TIMM22: variants seen among roughly 807,000 people sequenced by gnomAD.
TIMM22 encodes the protein mitochondrial import inner membrane translocase subunit Tim22.
In TIMM22, 12 loss-of-function variants were observed where a neutral mutation model predicts 18.3. That is an observed-to-expected ratio of 0.65 (90% CI 0.42 to 1.06). The LOEUF (loss-of-function observed/expected upper bound fraction) is 1.06, where lower values mean the gene tolerates loss of function less well. TIMM22 is among the 50% of genes least tolerant of loss of function. The probability of loss-of-function intolerance (pLI) is 0.00; values close to 1 mark genes in which losing one functional copy is unlikely to be tolerated. For missense variants in TIMM22, 278 were observed against 252.8 expected (o/e 1.10, Z -0.68); for synonymous variants, 107 against 98.5 (o/e 1.09, Z -0.51).
At chr17:997,878 C>T (rs188636433) in intron 1 of TIMM22, among the ~76,000 whole-genome samples, 237 of 152,314 alleles carry the variant, frequency 1.6e-3, no homozygotes, top group Non-Finnish European at 2.6e-3. Flanking sequence ...TAAATTCATT[C>T]TCTTAAATAA....
Position 997,215 on chromosome 17 carries a change from T to C in TIMM22, c.73T>C (p.Tyr25His), listed in dbSNP as rs2150663813. 6.2e-7 allele frequency: 1 copy of C among 1,612,990 alleles called. No homozygotes were observed. Among genetic ancestry groups the C allele is most frequent in the Non-Finnish European group, 8.5e-7 (1 of 1,179,906 alleles). ...TAGSAEAPLQ[Y>H]SLLLQYLVGD... is the part of the protein sequence containing the mutation. The stretch of plus-strand genomic sequence containing the variant: ...GGGTTCCGCCGAAGCTCCGCTGCAG[T>C]ACAGCCTGCTCCTGCAGTACCTGGT... Residue 25 changes from tyrosine to histidine, a missense_variant, in exon 1 of 4, where the codon TAC (tyrosine) becomes CAC (histidine). Transcript: ENST00000327158.
At chr17:997,442 C>T in intron 1 of TIMM22, 62 bp downstream of exon 1, 2 of 1,505,822 alleles carry the variant, frequency 1.3e-6, no homozygotes, top group Non-Finnish European at 1.8e-6. Flanking sequence ...GGGATCTCTG[C>T]CGAGAAGACC....
In TIMM22 at chr17:1,001,622, C is replaced by T. The variant is rs2069748620; in HGVS notation, c.*534C>T. 1 of 153,328 alleles carries T rather than the reference C, an allele frequency of 6.5e-6. No homozygotes were observed. The highest frequency in any genetic ancestry group is 1.5e-5 in the Non-Finnish European group (1 of 68,868). The allele number at this position is 153,328 out of a possible 1,614,324, so 9.5% of individuals were successfully genotyped here. A position where few individuals can be genotyped will look rare whatever the true frequency, so the allele number is the denominator to read the frequency against. Reference sequence around the variant, plus strand: ...CACTCCCCTCCCCCACCGCCACACACCTTACAGTTCAAAAGGTTGGTTTAT... The same window carrying T: ...CACTCCCCTCCCCCACCGCCACACATCTTACAGTTCAAAAGGTTGGTTTAT... On this transcript the variant is annotated 3_prime_UTR_variant, in exon 4 of 4. Transcript: ENST00000327158.
chr17:999,331 A>C (rs1040689829), intron 2 of TIMM22, among the ~76,000 whole-genome samples, 181 bp from the exon 3 acceptor site: 7,707 of 115,972 alleles, frequency 0.066, 360 homozygotes, highest in South Asian at 0.18. Context: ...TACTATATAT[A>C]TATATATATA....
At chr17:999,358 T>TACATACATACAC (rs1555524936) in intron 2 of TIMM22, among the ~76,000 whole-genome samples, 154 bp from the exon 3 acceptor site, 1 of 132,588 alleles carries the variant, frequency 7.5e-6, no homozygotes, top group Admixed American at 7.4e-5. Context: ...TATATATATA[T>TACATACATACAC]ACACGCTGTA....
rs1408779709 is a variant in TIMM22 at position 999,358 on chromosome 17, T to TATATAC, written c.436-153_436-152insTATACA. Among the ~76,000 whole-genome samples the TATATAC allele has an allele frequency of 4.0e-3, 531 of 132,540 alleles. 6 individuals are homozygous for TATATAC. Among genetic ancestry groups the TATATAC allele is most frequent in the African/African-American group, 0.016 (489 of 31,204 alleles). 87.0% of individuals were successfully genotyped at this position (132,540 alleles called of 152,430 possible). A position where few individuals can be genotyped will look rare whatever the true frequency, so the allele number is the denominator to read the frequency against. On this transcript the variant is annotated intron_variant, in intron 2 of 3. Transcript: ENST00000327158. ...ATATATATATATATATATATATATA[T>TATATAC]ACACGCTGTATACTTAGGAACTATA... is the stretch of plus-strand genomic sequence containing the variant.
intron 3 of TIMM22, among the ~76,000 whole-genome samples, chr17:1,000,117 C>T (rs2069729190): frequency 6.6e-6 from 1 of 151,874 alleles, no homozygotes; most frequent in Admixed American, 6.6e-5. Context: ...AACTCCTGAC[C>T]TCGTGATCTG....
rs769568340 is a variant in TIMM22, at chr17:1,002,060, C to G, written c.*972C>G. 6.6e-6 allele frequency: 1 copy of G among 151,886 alleles called. No homozygotes were observed. The highest frequency in any genetic ancestry group is 1.5e-5 in the Non-Finnish European group (1 of 68,046). 9.4% of individuals were successfully genotyped at this position (151,886 alleles called of 1,614,324 possible). ...GGGGCTGTTCACCACCATCCTCGTT[C>G]TCCAGGGTCAAGGAAGTGTTTTAAC... On this transcript the variant is annotated 3_prime_UTR_variant, in exon 4 of 4. Coordinates refer to ENST00000327158, the MANE Select transcript of TIMM22 (RefSeq NM_013337.4).
Position 1,001,589 on chromosome 17 carries a change from TA to T in TIMM22, c.*506del. 1 of 154,384 alleles carries T rather than the reference TA, an allele frequency of 6.5e-6. No individual in the cohort carries two copies. The highest frequency in any genetic ancestry group is 6.4e-5 in the Admixed American group (1 of 15,744). The allele number at this position is 154,384 out of a possible 1,614,324, so 9.6% of individuals were successfully genotyped here. On this transcript the variant is annotated 3_prime_UTR_variant, in exon 4 of 4. Coordinates refer to ENST00000327158, the MANE Select transcript of TIMM22 (RefSeq NM_013337.4). ...TGTTCTGTCATCCTTGTTTTTTTTTTAAAAATACACTCCCCTCCCCCACCGC... is the reference window on the plus strand; with the variant it reads ...TGTTCTGTCATCCTTGTTTTTTTTTTAAAATACACTCCCCTCCCCCACCGC...
At chr17:999,358 T>TATATACACAC (rs1408779709) in intron 2 of TIMM22, among the ~76,000 whole-genome samples, 154 bp from the exon 3 acceptor site, 2 of 132,586 alleles carry the variant, frequency 1.5e-5, no homozygotes, top group African/African-American at 3.2e-5. Flanking sequence ...TATATATATA[T>TATATACACAC]ACACGCTGTA....
chr17:999,358 T>TATATATATACATACATACATATATAC (rs1408779709), intron 2 of TIMM22, among the ~76,000 whole-genome samples, 154 bp from the exon 3 acceptor site: 1 of 132,588 alleles, frequency 7.5e-6, no homozygotes, highest in African/African-American at 3.2e-5. Context: ...TATATATATA[T>TATATATATACATACATACATATATAC]ACACGCTGTA....
At position 1,002,919 on chromosome 17, in the gene TIMM22, G is replaced by GTT. The variant is rs2069782575; in HGVS notation, c.*1833_*1834dup. On this transcript the variant is annotated 3_prime_UTR_variant, in exon 4 of 4. Transcript: ENST00000327158. ...TGCCTATTCACTCGAGAGATGAATA[G>GTT]TTTCCTGTTTTCGATGGCTGGGGAG... 1 of 152,176 alleles carries GTT rather than the reference G, an allele frequency of 6.6e-6. No individual in the cohort carries two copies. 9.4% of individuals were successfully genotyped at this position (152,176 alleles called of 1,614,324 possible). A position where few individuals can be genotyped will look rare whatever the true frequency, so the allele number is the denominator to read the frequency against.
chr17:1,003,334 G>A lies in TIMM22; in HGVS notation c.*2246G>A, dbSNP rs192948016. ...CGGAGGCCTTTGTGAAGAGCAAGGA[G>A]AGGGCTCCAGCCCACCTCCCCGCAG... On this transcript the variant is annotated 3_prime_UTR_variant, in exon 4 of 4. Transcript: ENST00000327158. The A allele has an allele frequency of 1.6e-4, 25 of 152,474 alleles. No individual in the cohort carries two copies. The highest frequency in any genetic ancestry group is 5.3e-4 in the African/African-American group (22 of 41,582). 9.4% of individuals were successfully genotyped at this position (152,474 alleles called of 1,614,324 possible). A position where few individuals can be genotyped will look rare whatever the true frequency, so the allele number is the denominator to read the frequency against.
rs1180378623 is a variant in TIMM22, at chr17:1,002,412, C to T, written c.*1324C>T. ...TCTGCCCTGTCTTCTGGCCCACACA[C>T]TCTTAACCAGCGTTCACACTCAGTG... On this transcript the variant is annotated 3_prime_UTR_variant, in exon 4 of 4. Coordinates refer to ENST00000327158, the MANE Select transcript of TIMM22 (RefSeq NM_013337.4). 1 of 152,314 alleles carries T rather than the reference C, an allele frequency of 6.6e-6. No homozygotes were observed. Among genetic ancestry groups the T allele is most frequent in the East Asian group, 1.9e-4 (1 of 5,202 alleles). The allele number at this position is 152,314 out of a possible 1,614,324, so 9.4% of individuals were successfully genotyped here. A position where few individuals can be genotyped will look rare whatever the true frequency, so the allele number is the denominator to read the frequency against.
At chr17:997,538 C>T (rs2069696233) in intron 1 of TIMM22, among the ~76,000 whole-genome samples, 158 bp downstream of exon 1, 1 of 152,208 alleles carries the variant, frequency 6.6e-6, no homozygotes, top group Admixed American at 6.5e-5. Flanking sequence ...CTCTCCTGCC[C>T]CCTCAGGCCG....
In TIMM22 at chr17:1,002,775, C is replaced by T. The variant is rs1177804378; in HGVS notation, c.*1687C>T. The T allele has an allele frequency of 2.6e-5, 4 of 152,214 alleles. No individual in the cohort carries two copies. Among genetic ancestry groups the T allele is most frequent in the Non-Finnish European group, 5.9e-5 (4 of 68,048 alleles). The allele number at this position is 152,214 out of a possible 1,614,324, so 9.4% of individuals were successfully genotyped here. A position where few individuals can be genotyped will look rare whatever the true frequency, so the allele number is the denominator to read the frequency against. On this transcript the variant is annotated 3_prime_UTR_variant, in exon 4 of 4. Transcript: ENST00000327158. ...TCCTAGGATGCCTGGGATCTTCCATCTTTCAGTCTAGCACGTGGGACCAAA... is the reference window on the plus strand; with the variant it reads ...TCCTAGGATGCCTGGGATCTTCCATTTTTCAGTCTAGCACGTGGGACCAAA...
In TIMM22 at chr17:1,001,315, G is replaced by T. The variant is rs536550023; in HGVS notation, c.*227G>T. The T allele has an allele frequency of 4.1e-6, 2 of 486,018 alleles. No homozygotes were observed. The highest frequency in any genetic ancestry group is 3.3e-5 in the Admixed American group (1 of 29,854). The allele number at this position is 486,018 out of a possible 1,614,324, so 30.1% of individuals were successfully genotyped here. A position where few individuals can be genotyped will look rare whatever the true frequency, so the allele number is the denominator to read the frequency against. On this transcript the variant is annotated 3_prime_UTR_variant, in exon 4 of 4. Transcript: ENST00000327158. ...AGCCAGCCTTCACAGAGGACGTCCC[G>T]TGCCAGATTCTCTCACAGCAGATCG...
Position 1,003,089 on chromosome 17 carries a change from G to A in TIMM22, c.*2001G>A, listed in dbSNP as rs2069788212. On this transcript the variant is annotated 3_prime_UTR_variant, in exon 4 of 4. Transcript: ENST00000327158. ...CTCAAAGGGAGGGTGGGCCCTCGGA[G>A]ACCCAGCTTCTCTGACAAGCAGATT... 6.6e-6 allele frequency: 1 copy of A among 152,128 alleles called. No individual in the cohort carries two copies. The highest frequency in any genetic ancestry group is 2.4e-5 in the African/African-American group (1 of 41,436). The allele number at this position is 152,128 out of a possible 1,614,324, so 9.4% of individuals were successfully genotyped here. A position where few individuals can be genotyped will look rare whatever the true frequency, so the allele number is the denominator to read the frequency against.
Position 997,400 on chromosome 17 carries a change from C to A in TIMM22, c.238+20C>A, listed in dbSNP as rs373377465. The A allele has an allele frequency of 6.2e-7, 1 of 1,607,470 alleles. No homozygotes were observed. Among genetic ancestry groups the A allele is most frequent in the Non-Finnish European group, 8.5e-7 (1 of 1,176,326 alleles). ...TGGGAGGTGAGGCCGGGCGATGGGA[C>A]CCTTGGGAGGCTGAGGGCCTGGACG... On this transcript the variant is annotated intron_variant, in intron 1 of 3. Coordinates refer to ENST00000327158, the MANE Select transcript of TIMM22 (RefSeq NM_013337.4).
Sources: allele counts gnomAD v4.1 joint callset (sites outside exome capture counted in the v4.1 genomes callset), GRCh38; gene constraint gnomAD v4.1.1; transcripts MANE v1.5; gene names NCBI Gene and HGNC (gene_info 2026-07-23, HGNC 2026-07-21).